NFIL3: variants seen among roughly 807,000 people sequenced by gnomAD.
NFIL3 encodes the protein nuclear factor interleukin-3-regulated protein.
Under a neutral mutation model 10.0 loss-of-function variants are expected in NFIL3, and 5 were observed. The ratio of observed to expected loss-of-function variants is 0.50; its 90% CI spans 0.26 to 1.06. The LOEUF (loss-of-function observed/expected upper bound fraction) is 1.06, where lower values mean the gene tolerates loss of function less well. Among genes scored for constraint, NFIL3 ranks in the 50% least tolerant of loss-of-function variants. The probability of loss-of-function intolerance (pLI) is 0.13; values close to 1 mark genes in which losing one functional copy is unlikely to be tolerated. For synonymous variants in NFIL3, 202 were observed against 206.5 expected (o/e 0.98, Z 0.19); for missense variants, 436 against 547.6 (o/e 0.80, Z 2.03).
the NFIL3 span, among the ~76,000 whole-genome samples, chr9:91,472,086 T>C: frequency 6.6e-6 from 1 of 152,240 alleles, no homozygotes; most frequent in African/African-American, 2.4e-5. Flanking sequence ...GTTAGTCTGA[T>C]GGGCTTCCCT....
Position 91,410,931 on chromosome 9 carries a change from A to C in NFIL3, c.-172-25T>G, listed in dbSNP as rs185918827. 18 of 515,356 alleles carry C rather than the reference A, an allele frequency of 3.5e-5. No individual in the cohort carries two copies. Among genetic ancestry groups the C allele is most frequent in the Middle Eastern group, 1.0e-3 (2 of 1,942 alleles). The allele number at this position is 515,356 out of a possible 1,614,324, so 31.9% of individuals were successfully genotyped here. Reference sequence around the variant, plus strand: ...TCTGCAATACATGAATAAAAAAAAAACCAGTTATTCACTGGATAAATGTTT... The same window carrying C: ...TCTGCAATACATGAATAAAAAAAAACCCAGTTATTCACTGGATAAATGTTT... On this transcript the variant is annotated intron_variant, in intron 1 of 1. Coordinates refer to ENST00000297689, the MANE Select transcript of NFIL3 (RefSeq NM_005384.3). This position sits in a 1 kb window ranked among gnomAD's most constrained non-coding sequence, Gnocchi z 5.7.
rs1055423139 is a variant in NFIL3 at position 91,409,112 on chromosome 9, A to G, written c.*234T>C. On this transcript the variant is annotated 3_prime_UTR_variant, in exon 2 of 2. Coordinates refer to ENST00000297689, the MANE Select transcript of NFIL3 (RefSeq NM_005384.3). ...CACACTTTATAATAGAACAACAAAA[A>G]TAATGTTCAATATATACAGCCTTCG... is the stretch of plus-strand genomic sequence containing the variant. 20 of 420,764 alleles carry G rather than the reference A, an allele frequency of 4.8e-5. No individual in the cohort carries two copies. The highest frequency in any genetic ancestry group is 8.4e-5 in the Non-Finnish European group (20 of 238,602). The allele number at this position is 420,764 out of a possible 1,614,324, so 26.1% of individuals were successfully genotyped here.
intron 1 of NFIL3, among the ~76,000 whole-genome samples, chr9:91,419,784 G>C (rs1833723946): frequency 6.6e-6 from 1 of 152,228 alleles, no homozygotes; most frequent in Admixed American, 6.5e-5. Context: ...ATCAGTTCCA[G>C]GCTGTTTTTG....
the NFIL3 span, among the ~76,000 whole-genome samples, chr9:91,461,732 T>G: frequency 6.6e-6 from 1 of 152,190 alleles, no homozygotes; most frequent in African/African-American, 2.4e-5. Flanking sequence ...TTTTCTGTTA[T>G]TATTAGGACA....
the NFIL3 span, among the ~76,000 whole-genome samples, chr9:91,443,250 G>C: frequency 1.3e-5 from 2 of 152,208 alleles, no homozygotes; most frequent in African/African-American, 4.8e-5. Flanking sequence ...CCACGGGCAG[G>C]CCTGGAAAAA....
chr9:91,445,092 G>T, the NFIL3 span, among the ~76,000 whole-genome samples: 1 of 152,162 alleles, frequency 6.6e-6, no homozygotes, highest in Non-Finnish European at 1.5e-5. Context: ...TAGCAGCTGA[G>T]GCCCATGGAG....
chr9:91,437,708 A>G, the NFIL3 span, among the ~76,000 whole-genome samples: 4 of 152,138 alleles, frequency 2.6e-5, no homozygotes, highest in African/African-American at 9.6e-5. Context: ...CTTATTCCCT[A>G]TCTCTGTATA....
chr9:91,463,247 T>C, the NFIL3 span, among the ~76,000 whole-genome samples: 1 of 151,822 alleles, frequency 6.6e-6, no homozygotes, highest in Non-Finnish European at 1.5e-5. Context: ...TAAATTGTTC[T>C]TCTTTCCGTA....
the NFIL3 span, among the ~76,000 whole-genome samples, chr9:91,478,016 T>C: frequency 2.6e-5 from 4 of 152,118 alleles, no homozygotes; most frequent in African/African-American, 7.2e-5. Context: ...GCAGAGAGAT[T>C]TGCTGTTAGT....
the NFIL3 span, among the ~76,000 whole-genome samples, chr9:91,439,398 C>T: frequency 7.8e-6 from 1 of 128,422 alleles, no homozygotes; most frequent in Non-Finnish European, 1.6e-5. Context: ...TTAGTTCTAA[C>T]TGTTTTTTTT....
At chr9:91,439,896 G>A in the NFIL3 span, among the ~76,000 whole-genome samples, 1 of 152,096 alleles carries the variant, frequency 6.6e-6, no homozygotes, top group Non-Finnish European at 1.5e-5. Context: ...TTTTTGGTGT[G>A]TTGTTGAATT....
the NFIL3 span, among the ~76,000 whole-genome samples, chr9:91,467,604 G>A: frequency 6.6e-5 from 10 of 152,100 alleles, no homozygotes; most frequent in East Asian, 5.8e-4. Context: ...TATTACATAC[G>A]TATACATGTG....
chr9:91,445,406 A>G, the NFIL3 span, among the ~76,000 whole-genome samples: 3 of 152,194 alleles, frequency 2.0e-5, no homozygotes, highest in Non-Finnish European at 4.4e-5. Context: ...CGGGGAGTAG[A>G]CAGTGATGAC....
chr9:91,431,789 C>G, the NFIL3 span, among the ~76,000 whole-genome samples: 1 of 152,144 alleles, frequency 6.6e-6, no homozygotes, highest in Non-Finnish European at 1.5e-5. Flanking sequence ...GCTCAATGAC[C>G]CAGGCCACAC....
chr9:91,451,761 T>C, the NFIL3 span, among the ~76,000 whole-genome samples: 1 of 152,210 alleles, frequency 6.6e-6, no homozygotes. Flanking sequence ...CATCATGGAC[T>C]GTTTAAATTG....
chr9:91,482,921 A>G, the NFIL3 span, among the ~76,000 whole-genome samples: 2 of 152,226 alleles, frequency 1.3e-5, no homozygotes, highest in Non-Finnish European at 2.9e-5. Flanking sequence ...CGAAAGGCGC[A>G]CATGTCAGCA....
At chr9:91,427,847 T>C (rs1833887524), upstream of NFIL3, among the ~76,000 whole-genome samples, 1 of 152,056 alleles carries the variant, frequency 6.6e-6, no homozygotes, top group South Asian at 2.1e-4. Context: ...TGTCTCTCTA[T>C]GTTGCCCAGG....
chr9:91,411,640 A>ATC (rs892257833), intron 1 of NFIL3, among the ~76,000 whole-genome samples: 1 of 152,166 alleles, frequency 6.6e-6, no homozygotes, highest in African/African-American at 2.4e-5. Context: ...CCATCAAGCC[A>ATC]TCTCTTTACA....
the NFIL3 span, among the ~76,000 whole-genome samples, chr9:91,447,115 C>T: frequency 6.6e-6 from 1 of 152,088 alleles, no homozygotes; most frequent in Non-Finnish European, 1.5e-5. Flanking sequence ...TGCGCCCGGC[C>T]CTGATGTTTT....
Sources: gnomAD v4.1 joint callset for allele counts (sites outside exome capture counted in the v4.1 genomes callset) on GRCh38, gnomAD v4.1.1 for gene constraint, Gnocchi (gnomAD v3.1) non-coding constraint, MANE v1.5 for transcripts, NCBI Gene and HGNC (gene_info 2026-07-23, HGNC 2026-07-21) for gene names.